The following KLHL4 variants were observed in gnomAD, a reference collection of about 807,000 sequenced individuals.
KLHL4 encodes the protein kelch like family member 4, also known as kelch-like protein 4.
KLHL4 carries 17 observed loss-of-function variants against 45.8 expected under a neutral mutation model. That is an observed-to-expected ratio of 0.37 (90% CI 0.25 to 0.56). The LOEUF is 0.56. Among genes scored for constraint, KLHL4 ranks in the 20% least tolerant of loss-of-function variants. KLHL4 has a pLI of 0.79. For missense variants in KLHL4, 544 were observed against 544.9 expected, an observed-to-expected ratio of 1.00 and a Z score of 0.02; for synonymous variants, 224 against 189.9, an observed-to-expected ratio of 1.18 and a Z score of -1.47.
intron 1 of KLHL4, among the ~76,000 whole-genome samples, chrX:87,612,824 C>G (rs1922426651): frequency 9.0e-6 from 1 of 110,911 alleles, no homozygotes; most frequent in South Asian, 3.8e-4. Context: ...TGAATCATTA[C>G]TAGAAAAGAG....
At chrX:87,653,583 C>T (rs1026180855) in intron 9 of KLHL4, among the ~76,000 whole-genome samples, 1 of 111,620 alleles carries the variant, frequency 9.0e-6, no homozygotes, top group Non-Finnish European at 1.9e-5. Flanking sequence ...ATTCCTCAAA[C>T]ATTTAGAACC....
At chrX:87,644,016 C>G (rs958702111) in intron 9 of KLHL4, among the ~76,000 whole-genome samples, 2 of 111,344 alleles carry the variant, frequency 1.8e-5, no homozygotes, top group African/African-American at 6.5e-5. Flanking sequence ...ACTGTCTGCA[C>G]TCCTCTTCAA....
chrX:87,640,807 T>G (rs1172584781), intron 9 of KLHL4, among the ~76,000 whole-genome samples: 2 of 111,209 alleles, frequency 1.8e-5, no homozygotes, highest in Non-Finnish European at 3.8e-5. Flanking sequence ...TTTCACAACT[T>G]CTATTCAACA....
intron 1 of KLHL4, among the ~76,000 whole-genome samples, chrX:87,586,695 A>G (rs1238164017): frequency 4.5e-5 from 5 of 111,215 alleles, no homozygotes; most frequent in Non-Finnish European, 7.6e-5. Context: ...CAAATAAGCA[A>G]TCTAACAATG....
At chrX:87,533,893 C>G (rs774428678) in intron 1 of KLHL4, among the ~76,000 whole-genome samples, 6 of 110,130 alleles carry the variant, frequency 5.4e-5, no homozygotes, top group African/African-American at 6.6e-5. Context: ...ATGAATTAAA[C>G]AAAAATCTGG....
At chrX:87,554,524 G>T (rs1473125539) in intron 1 of KLHL4, among the ~76,000 whole-genome samples, 20 of 95,191 alleles carry the variant, frequency 2.1e-4, no homozygotes, top group African/African-American at 7.1e-4. Flanking sequence ...CTGTTTGTCT[G>T]TTATTGGTGT....
In KLHL4 at chrX:87,664,953, T is replaced by A. The variant is rs1194032439; in HGVS notation, c.2097+18T>A. ...GGAAAGAGGTATTCGAATTAAAATA[T>A]TCAAATTACTATATTTCAGGTTTTA... On this transcript the variant is annotated intron_variant, in intron 10 of 10. Transcript: ENST00000373119. 1 of 1,004,515 alleles carries A rather than the reference T, an allele frequency of 1.0e-6. No individual in the cohort carries two copies. Among genetic ancestry groups the A allele is most frequent in the African/African-American group, 1.9e-5 (1 of 52,286 alleles). 82.8% of individuals were successfully genotyped at this position (1,004,515 alleles called of 1,213,427 possible).
At chrX:87,543,787 C>T (rs1374848619) in intron 1 of KLHL4, among the ~76,000 whole-genome samples, 1 of 111,327 alleles carries the variant, frequency 9.0e-6, no homozygotes, top group Non-Finnish European at 1.9e-5. Flanking sequence ...GCCATAAGGA[C>T]TGCAACTCAT....
intron 1 of KLHL4, among the ~76,000 whole-genome samples, chrX:87,557,422 A>C (rs1248374729): frequency 8.9e-6 from 1 of 112,021 alleles, no homozygotes; most frequent in East Asian, 2.8e-4. Flanking sequence ...AGTTCTCTTT[A>C]GAAGAATCAT....
intron 9 of KLHL4, among the ~76,000 whole-genome samples, chrX:87,660,570 C>T (rs1402099825): frequency 8.9e-6 from 1 of 112,190 alleles, no homozygotes; most frequent in African/African-American, 3.2e-5. Context: ...TGGAGCCAGG[C>T]GCGGTGCCTC....
chrX:87,545,061 GA>G (rs1330806309), intron 1 of KLHL4, among the ~76,000 whole-genome samples: 1 of 112,229 alleles, frequency 8.9e-6, no homozygotes, highest in East Asian at 2.8e-4. Flanking sequence ...AGATTACAAA[GA>G]GAATGAATTC....
rs1038492559 is a variant in KLHL4, at chrX:87,669,980, A to T, written c.*3446A>T. The T allele has an allele frequency of 3.6e-5, 4 of 111,786 alleles. No individual in the cohort carries two copies. Among genetic ancestry groups the T allele is most frequent in the African/African-American group, 1.3e-4 (4 of 30,753 alleles). 9.2% of individuals were successfully genotyped at this position (111,786 alleles called of 1,213,427 possible). On this transcript the variant is annotated 3_prime_UTR_variant, in exon 11 of 11. Coordinates refer to ENST00000373119, the MANE Select transcript of KLHL4 (RefSeq NM_019117.5). ...TCCCACACTGTATACATATGCCAAA[A>T]TATCATTTTGTATGCCATAATATAT...
intron 6 of KLHL4, among the ~76,000 whole-genome samples, chrX:87,626,491 G>C (rs748885208): frequency 9.0e-6 from 1 of 110,573 alleles, no homozygotes; most frequent in Non-Finnish European, 1.9e-5. Flanking sequence ...TGAACAGAGG[G>C]ATGACATTGA....
At chrX:87,543,228 G>A (rs765074152) in intron 1 of KLHL4, among the ~76,000 whole-genome samples, 1 of 111,419 alleles carries the variant, frequency 9.0e-6, no homozygotes, top group South Asian at 3.8e-4. Flanking sequence ...AGCAGTGTGA[G>A]AATGGACTAA....
intron 1 of KLHL4, among the ~76,000 whole-genome samples, chrX:87,609,427 C>T (rs376079562): frequency 1.8e-5 from 2 of 111,283 alleles, no homozygotes; most frequent in East Asian, 2.8e-4. Flanking sequence ...ACCTGTTGTT[C>T]CCTGACTTTT....
At chrX:87,531,654 G>T (rs1366761415) in intron 1 of KLHL4, among the ~76,000 whole-genome samples, 2 of 105,984 alleles carry the variant, frequency 1.9e-5, no homozygotes, top group Non-Finnish European at 3.9e-5. Flanking sequence ...CAAAATCAAT[G>T]TACAAAAATC....
At position 87,534,516 on chromosome X, in the gene KLHL4, C is replaced by T. The variant is rs150439003; in HGVS notation, c.422+16201C>T. Among the ~76,000 whole-genome samples the T allele has an allele frequency of 8.6e-3, 957 of 111,393 alleles. 3 individuals are homozygous for T. The highest frequency in any genetic ancestry group is 0.014 in the Non-Finnish European group (727 of 52,970). On this transcript the variant is annotated intron_variant, in intron 1 of 10. Coordinates refer to ENST00000373119, the MANE Select transcript of KLHL4 (RefSeq NM_019117.5). Reference sequence around the variant, plus strand: ...TGAATCTGTGACTTACAAGTTCCCTCATGTTGACCAGGCGGATGCTTAAAA... The same window carrying T: ...TGAATCTGTGACTTACAAGTTCCCTTATGTTGACCAGGCGGATGCTTAAAA...
At chrX:87,549,966 A>C (rs1931776905) in intron 1 of KLHL4, among the ~76,000 whole-genome samples, 1 of 111,785 alleles carries the variant, frequency 8.9e-6, no homozygotes, top group Admixed American at 9.5e-5. Flanking sequence ...AGATCAATGA[A>C]ACAACAAGAT....
At chrX:87,645,206 A>C (rs1923591248) in intron 9 of KLHL4, among the ~76,000 whole-genome samples, 1 of 112,196 alleles carries the variant, frequency 8.9e-6, no homozygotes, top group Non-Finnish European at 1.9e-5. Flanking sequence ...ATCAGTAAGA[A>C]ATAAACAAAC....
Sources: allele counts gnomAD v4.1 joint callset (sites outside exome capture counted in the v4.1 genomes callset), GRCh38; gene constraint gnomAD v4.1.1; transcripts MANE v1.5; gene names NCBI Gene and HGNC (gene_info 2026-07-23, HGNC 2026-07-21).